The following XKR3 variants were observed in gnomAD, a reference collection of about 807,000 sequenced individuals.
XKR3 encodes XK related 3.
XKR3 carries 27 observed loss-of-function variants against 40.3 expected under a neutral mutation model. The ratio of observed to expected loss-of-function variants is 0.67; its 90% confidence interval spans 0.49 to 0.92. The LOEUF (loss-of-function observed/expected upper bound fraction) is 0.92. Among genes scored for constraint, XKR3 ranks in the 40% least tolerant of loss-of-function variants. The pLI, the probability that XKR3 is intolerant of heterozygous loss-of-function variation, is 0.00. For synonymous variants in XKR3, 193 were observed against 195.4 expected (o/e 0.99, Z 0.10); for missense variants, 472 against 537.6 (o/e 0.88, Z 1.21).
intron 2 of XKR3, among the ~76,000 whole-genome samples, chr22:16,803,607 C>T (rs2060178026): frequency 6.6e-6 from 1 of 152,174 alleles, no homozygotes; most frequent in Non-Finnish European, 1.5e-5. Flanking sequence ...TAATGAACTT[C>T]CTAATAAAAC....
intron 2 of XKR3, among the ~76,000 whole-genome samples, chr22:16,802,772 G>A (rs910708582): frequency 3.3e-5 from 5 of 152,164 alleles, no homozygotes; most frequent in African/African-American, 1.2e-4. Flanking sequence ...ACAGTCATGA[G>A]CCACTGCACC....
chr22:16,821,517 T>A (rs1405789586), intron 1 of XKR3: 2 of 149,800 alleles, frequency 1.3e-5, no homozygotes, highest in Non-Finnish European at 1.5e-5. Flanking sequence ...CAGGTACAAC[T>A]GATGAGAATT....
chr22:16,824,081 AAC>A lies in XKR3; in HGVS notation c.-11+1208_-11+1209del, dbSNP rs201723310. ...CAAATAGGCCCTAGAAGCAATATGA[AAC>A]AGTCTTCAAATGAATAGATGAGAAA... On this transcript the variant is annotated intron_variant, in intron 1 of 3. Transcript: ENST00000684488. 8.5e-3 allele frequency among the ~76,000 whole-genome samples: 1,289 copies of A among 152,336 alleles called. 27 individuals are homozygous for A. Among genetic ancestry groups the A allele is most frequent in the African/African-American group, 0.03 (1,237 of 41,578 alleles).
At chr22:16,804,429 G>A (rs2060181597) in intron 2 of XKR3, among the ~76,000 whole-genome samples, 1 of 152,022 alleles carries the variant, frequency 6.6e-6, no homozygotes, top group Admixed American at 6.6e-5. Context: ...CTCATGTTTT[G>A]AAATGGCCCT....
intron 1 of XKR3, among the ~76,000 whole-genome samples, chr22:16,824,544 A>G (rs973899314): frequency 1.3e-5 from 2 of 152,090 alleles, no homozygotes; most frequent in African/African-American, 4.8e-5. Flanking sequence ...GAGGGAGAGT[A>G]GAGAGAGAAA....
chr22:16,823,404 T>C (rs1029541129), intron 1 of XKR3, among the ~76,000 whole-genome samples: 15 of 152,258 alleles, frequency 9.9e-5, no homozygotes, highest in Middle Eastern at 6.8e-3. Flanking sequence ...AACACAGAAT[T>C]GACAGGACTC....
intron 2 of XKR3, among the ~76,000 whole-genome samples, chr22:16,803,058 T>G (rs2060175728): frequency 7.0e-6 from 1 of 143,582 alleles, no homozygotes; most frequent in South Asian, 2.3e-4. Flanking sequence ...ATCTTAAGGT[T>G]GGTAGTGTCC....
intron 1 of XKR3, among the ~76,000 whole-genome samples, 186 bp from the exon 2 acceptor site, chr22:16,808,269 G>C (rs1472046161): frequency 6.6e-6 from 1 of 152,156 alleles, no homozygotes; most frequent in Non-Finnish European, 1.5e-5. Context: ...TGTCTAATTT[G>C]ACATACTATT....
At chr22:16,785,904 T>G (rs1384041794) in intron 3 of XKR3, among the ~76,000 whole-genome samples, 1 of 152,092 alleles carries the variant, frequency 6.6e-6, no homozygotes, top group Non-Finnish European at 1.5e-5. Flanking sequence ...CACAATGAAC[T>G]TAAGCCAGAA....
At chr22:16,805,556 T>C (rs2060186290) in intron 2 of XKR3, among the ~76,000 whole-genome samples, 1 of 152,220 alleles carries the variant, frequency 6.6e-6, no homozygotes, top group African/African-American at 2.4e-5. Context: ...TTTATTGTTG[T>C]TATTATTATT....
At chr22:16,813,398 G>T (rs1210183117) in intron 1 of XKR3, among the ~76,000 whole-genome samples, 1 of 152,056 alleles carries the variant, frequency 6.6e-6, no homozygotes, top group Non-Finnish European at 1.5e-5. Context: ...CCTTTAAAAG[G>T]CTGGGGGTTC....
rs1412744404 is a variant in XKR3 at position 16,784,561 on chromosome 22, C to T, written c.590-152G>A. ...TAAAAAGAAAGGTTTGTTAATCTTCCATTTTCAGGGATACAGTAAGTATAG... is the reference window on the plus strand; with the variant it reads ...TAAAAAGAAAGGTTTGTTAATCTTCTATTTTCAGGGATACAGTAAGTATAG... On this transcript the variant is annotated intron_variant, in intron 3 of 3. Coordinates refer to ENST00000684488, the MANE Select transcript of XKR3 (RefSeq NM_001386955.1). The T allele has an allele frequency of 1.8e-5, 14 of 798,740 alleles. No homozygotes were observed. In the East Asian group the frequency reaches 3.8e-4, roughly 22 times the overall value. 49.5% of individuals were successfully genotyped at this position (798,740 alleles called of 1,614,324 possible).
At chr22:16,811,547 C>T (rs2060212580) in intron 1 of XKR3, among the ~76,000 whole-genome samples, 1 of 152,134 alleles carries the variant, frequency 6.6e-6, no homozygotes, top group African/African-American at 2.4e-5. Context: ...GATTCTTTAT[C>T]CTGGTGGTTT....
chr22:16,818,882 C>T (rs2060244561), intron 1 of XKR3, among the ~76,000 whole-genome samples: 1 of 152,032 alleles, frequency 6.6e-6, no homozygotes, highest in Admixed American at 6.6e-5. Context: ...ACTACCCTAC[C>T]CTATTCTGTC....
rs1231456180 is a variant in XKR3, at chr22:16,790,895, GA to G, written c.590-6487del. The stretch of plus-strand genomic sequence containing the variant: ...AGAATAAAAAGAAAAAAGAAACGTT[GA>G]AAAAAAAAAAAGAATATGGAGGAAC... On this transcript the variant is annotated intron_variant, in intron 3 of 3. Coordinates refer to ENST00000684488, the MANE Select transcript of XKR3 (RefSeq NM_001386955.1). 2.9e-3 allele frequency among the ~76,000 whole-genome samples: 166 copies of G among 56,904 alleles called. 1 individual carries two copies. The highest frequency in any genetic ancestry group is 6.9e-3 in the African/African-American group (132 of 19,224). 37.3% of individuals were successfully genotyped at this position (56,904 alleles called of 152,430 possible). A position where few individuals can be genotyped will look rare whatever the true frequency, so the allele number is the denominator to read the frequency against.
At chr22:16,799,699 T>C in intron 3 of XKR3, 72 bp downstream of exon 3, 2 of 1,502,820 alleles carry the variant, frequency 1.3e-6, no homozygotes, top group Non-Finnish European at 1.8e-6. Context: ...TATTTCAACT[T>C]CTCAATTTCT....
At chr22:16,819,201 T>C (rs184395276) in intron 1 of XKR3, among the ~76,000 whole-genome samples, 1 of 152,282 alleles carries the variant, frequency 6.6e-6, no homozygotes, top group South Asian at 2.1e-4. Flanking sequence ...ATATGTTGTG[T>C]TAATCTTCCC....
At chr22:16,819,440 A>G (rs981467880) in intron 1 of XKR3, among the ~76,000 whole-genome samples, 3 of 152,176 alleles carry the variant, frequency 2.0e-5, no homozygotes, top group African/African-American at 7.2e-5. Context: ...AAGGAAGCCC[A>G]GAAATAGAGT....
chr22:16,807,713 G>T, intron 2 of XKR3, 26 bp downstream of exon 2: 1 of 1,527,076 alleles, frequency 6.5e-7, no homozygotes, highest in South Asian at 1.3e-5. Flanking sequence ...TGGAGGCAGT[G>T]AATGAGAAAT....
Sources: allele counts gnomAD v4.1 joint callset (sites outside exome capture counted in the v4.1 genomes callset), GRCh38; gene constraint gnomAD v4.1.1; transcripts MANE v1.5; gene names NCBI Gene and HGNC (gene_info 2026-07-23, HGNC 2026-07-21).